The following TTC28 variants were observed in gnomAD, a reference collection of about 807,000 sequenced individuals.
The protein encoded by TTC28 is tetratricopeptide repeat domain 28, also known as tetratricopeptide repeat protein 28.
A neutral mutation model predicts 198.0 loss-of-function variants in TTC28; 61 were observed. The observed-to-expected ratio is 0.31, with a 90% CI of 0.25 to 0.38. The LOEUF is 0.38. Ranked by LOEUF, TTC28 falls within the 10% of genes least tolerant of loss-of-function variation. The probability of loss-of-function intolerance (pLI) is 1.00; values close to 1 mark genes in which losing one functional copy is unlikely to be tolerated. For missense variants in TTC28, 2,678 were observed against 3,164.0 expected (o/e 0.85, Z 3.69); for synonymous variants, 1,171 against 1,297.8 (o/e 0.90, Z 2.10).
intron 5 of TTC28, among the ~76,000 whole-genome samples, chr22:28,285,087 C>G (rs554540209): frequency 6.6e-6 from 1 of 152,156 alleles, no homozygotes; most frequent in Non-Finnish European, 1.5e-5. Context: ...TGGAAACAAC[C>G]TAAGTGTCAG....
At chr22:28,461,237 T>C (rs1601426419) in intron 2 of TTC28, among the ~76,000 whole-genome samples, 1 of 152,334 alleles carries the variant, frequency 6.6e-6, no homozygotes, top group East Asian at 1.9e-4. Context: ...CAATGGTACA[T>C]AGTAATACTA....
At chr22:28,367,181 T>C (rs1030257178) in intron 2 of TTC28, among the ~76,000 whole-genome samples, 6 of 152,070 alleles carry the variant, frequency 3.9e-5, no homozygotes, top group Admixed American at 3.3e-4. Context: ...ATAGACCATA[T>C]GTTAGGTCAA....
At chr22:28,660,938 T>C (rs926042152) in intron 1 of TTC28, among the ~76,000 whole-genome samples, 14 of 152,274 alleles carry the variant, frequency 9.2e-5, no homozygotes, top group Non-Finnish European at 1.8e-4. Flanking sequence ...ATAATTCCCT[T>C]TATTTCAAAG....
intron 5 of TTC28, among the ~76,000 whole-genome samples, chr22:28,241,674 G>C (rs1442364242): frequency 6.6e-6 from 1 of 151,904 alleles, no homozygotes; most frequent in African/African-American, 2.4e-5. Flanking sequence ...CTGGGTAAAG[G>C]GTACACAGCA....
intron 5 of TTC28, among the ~76,000 whole-genome samples, chr22:28,248,987 GAAT>G (rs2147269375): frequency 6.6e-6 from 1 of 152,178 alleles, no homozygotes; most frequent in African/African-American, 2.4e-5. Flanking sequence ...GGACTCAGAG[GAAT>G]AGCATTAATT....
intron 2 of TTC28, among the ~76,000 whole-genome samples, chr22:28,572,711 G>C (rs2050082267): frequency 6.6e-6 from 1 of 152,202 alleles, no homozygotes; most frequent in Non-Finnish European, 1.5e-5. Flanking sequence ...TTAGGGGAGT[G>C]AGATGTGTGG....
intron 2 of TTC28, among the ~76,000 whole-genome samples, chr22:28,397,706 A>G (rs1310768298): frequency 3.9e-5 from 6 of 152,242 alleles, no homozygotes. Flanking sequence ...TGCCACAAAC[A>G]TGAAAAGCTA....
intron 2 of TTC28, among the ~76,000 whole-genome samples, chr22:28,436,247 G>C (rs572130808): frequency 2.0e-5 from 3 of 152,160 alleles, no homozygotes; most frequent in African/African-American, 7.2e-5. Context: ...AGAAGATCTT[G>C]CCAACTGACT....
chr22:28,156,417 C>T (rs1943749819), intron 6 of TTC28, among the ~76,000 whole-genome samples: 1 of 152,190 alleles, frequency 6.6e-6, no homozygotes, highest in Non-Finnish European at 1.5e-5. Flanking sequence ...CTAGCACTGT[C>T]AATATCTTGA....
Position 27,982,312 on chromosome 22 carries a change from G to A in TTC28, c.7355C>T (p.Ala2452Val). 6.6e-7 allele frequency: 1 copy of A among 1,525,896 alleles called. No homozygotes were observed. Among genetic ancestry groups the A allele is most frequent in the Non-Finnish European group, 8.8e-7 (1 of 1,133,446 alleles). The allele number at this position is 1,525,896 out of a possible 1,614,324, so 94.5% of individuals were successfully genotyped here. A position where few individuals can be genotyped will look rare whatever the true frequency, so the allele number is the denominator to read the frequency against. ...CCTCAAAGGGCGCGCGGGGGCTGTG[G>A]CGGGAGGGCCGGCGGGCAGCGGCAG... Reference protein sequence around the residue: ...GSLPLPAGPPATAPARPLRLP... With the variant: ...GSLPLPAGPPVTAPARPLRLP... Residue 2452 changes from alanine (A) to valine (V), a missense_variant, in exon 23 of 23, where the codon GCC becomes GTC. Physicochemically the swap from Ala to Val is moderately conservative, Grantham distance 64. Coordinates refer to ENST00000397906, the MANE Select transcript of TTC28 (RefSeq NM_001145418.2). The surrounding 1 kb of genome is among the most constrained non-coding windows in gnomAD (Gnocchi z 5.2).
At chr22:28,502,848 AT>A (rs2048555776) in intron 2 of TTC28, among the ~76,000 whole-genome samples, 2 of 152,178 alleles carry the variant, frequency 1.3e-5, no homozygotes, top group Non-Finnish European at 1.5e-5. Context: ...TGTTTGGGCT[AT>A]ATATCTTATT....
At chr22:28,370,708 T>A (rs2046318740) in intron 2 of TTC28, among the ~76,000 whole-genome samples, 1 of 150,368 alleles carries the variant, frequency 6.7e-6, no homozygotes, top group Non-Finnish European at 1.5e-5. Context: ...TGAAAGAGAG[T>A]AGTAGAGAGA....
chr22:28,328,658 G>T (rs1052769458), intron 2 of TTC28, among the ~76,000 whole-genome samples: 10 of 151,400 alleles, frequency 6.6e-5, no homozygotes, highest in Admixed American at 5.3e-4. Context: ...AGAGGCTGAG[G>T]CAGGAGAATC....
At chr22:28,561,671 T>C (rs1161692617) in intron 2 of TTC28, among the ~76,000 whole-genome samples, 4 of 152,194 alleles carry the variant, frequency 2.6e-5, no homozygotes, top group Admixed American at 2.0e-4. Flanking sequence ...CATTGTGATA[T>C]GGTTCCTGCC....
In TTC28 at chr22:28,306,352, T is replaced by C. The variant is rs1420826280; in HGVS notation, c.529+144A>G. 5.1e-6 allele frequency: 5 copies of C among 979,602 alleles called. No homozygotes were observed. The Admixed American group carries it at 1.5e-4, about 30-fold the overall frequency. The allele number at this position is 979,602 out of a possible 1,614,324, so 60.7% of individuals were successfully genotyped here. A position where few individuals can be genotyped will look rare whatever the true frequency, so the allele number is the denominator to read the frequency against. On this transcript the variant is annotated intron_variant, in intron 3 of 22. Coordinates refer to ENST00000397906, the MANE Select transcript of TTC28 (RefSeq NM_001145418.2). Reference sequence around the variant, plus strand: ...CATTAACATCACTTGCTGGCAGTGATTCTTGATCTTCCTTGGTCTAAAATA... The same window carrying C: ...CATTAACATCACTTGCTGGCAGTGACTCTTGATCTTCCTTGGTCTAAAATA...
At chr22:28,560,043 C>CA (rs1409014405) in intron 2 of TTC28, among the ~76,000 whole-genome samples, 7 of 152,022 alleles carry the variant, frequency 4.6e-5, no homozygotes, top group Non-Finnish European at 1.0e-4. Flanking sequence ...TACTCCCCTC[C>CA]AAAAAAAGAA....
At chr22:28,675,735 T>TCACACA (rs71316854) in intron 1 of TTC28, among the ~76,000 whole-genome samples, 6,767 of 135,040 alleles carry the variant, frequency 0.05, 204 homozygotes, top group Non-Finnish European at 0.069. Context: ...TGAAACCCTG[T>TCACACA]CACACACACA....
intron 2 of TTC28, among the ~76,000 whole-genome samples, chr22:28,480,276 C>T (rs1004932208): frequency 3.3e-5 from 5 of 152,162 alleles, no homozygotes; most frequent in Non-Finnish European, 7.3e-5. Context: ...GTTTTTCAGA[C>T]ACTTGTTTCT....
intron 6 of TTC28, among the ~76,000 whole-genome samples, chr22:28,121,405 G>A (rs1942783954): frequency 6.6e-6 from 1 of 152,094 alleles, no homozygotes; most frequent in African/African-American, 2.4e-5. Flanking sequence ...CTTCTTCCAT[G>A]CATATGTAAA....
Sources: gnomAD v4.1 joint callset for allele counts (sites outside exome capture counted in the v4.1 genomes callset) on GRCh38, gnomAD v4.1.1 for gene constraint, Gnocchi (gnomAD v3.1) non-coding constraint, MANE v1.5 for transcripts, NCBI Gene and HGNC (gene_info 2026-07-23, HGNC 2026-07-21) for gene names.